Variants in TAF3 observed in about 807,000 individuals in gnomAD.
TAF3 encodes transcription initiation factor TFIID subunit 3.
TAF3 carries 7 observed loss-of-function variants against 80.6 expected under a neutral mutation model. That is an observed-to-expected ratio of 0.09 (90% CI 0.05 to 0.16). The LOEUF (loss-of-function observed/expected upper bound fraction) is 0.16, where lower values mean the gene tolerates loss of function less well. TAF3 is among the 10% of genes least tolerant of loss of function. TAF3 has a pLI of 1.00. For missense variants in TAF3, 921 were observed against 1,140.2 expected (o/e 0.81, Z 2.77); for synonymous variants, 444 against 446.1 (o/e 1.00, Z 0.06).
chr10:7,994,191 C>T (rs756214417), intron 4 of TAF3, among the ~76,000 whole-genome samples: 1 of 151,988 alleles, frequency 6.6e-6, no homozygotes, highest in Non-Finnish European at 1.5e-5. Flanking sequence ...TTCGACACAA[C>T]CTCATTTGTG....
At chr10:7,885,941 C>T (rs930317351) in intron 2 of TAF3, among the ~76,000 whole-genome samples, 5 of 151,966 alleles carry the variant, frequency 3.3e-5, no homozygotes, top group Middle Eastern at 3.4e-3. Context: ...TTTTTAATTA[C>T]GTTTTTTGAG....
At chr10:7,906,234 T>C (rs954629615) in intron 2 of TAF3, among the ~76,000 whole-genome samples, 16 of 152,218 alleles carry the variant, frequency 1.1e-4, no homozygotes, top group Non-Finnish European at 2.4e-4. Flanking sequence ...AATTTCAGTA[T>C]TGGATGGTAA....
At chr10:7,956,823 G>A (rs1588565475) in intron 2 of TAF3, among the ~76,000 whole-genome samples, 1 of 152,166 alleles carries the variant, frequency 6.6e-6, no homozygotes, top group Non-Finnish European at 1.5e-5. Context: ...TTTAGTGACT[G>A]TGTGAAAAAC....
Position 7,965,587 on chromosome 10 carries a change from A to C in TAF3, c.2077A>C (p.Lys693Gln). 6.3e-7 allele frequency: 1 copy of C among 1,599,936 alleles called. No homozygotes were observed. Among genetic ancestry groups the C allele is most frequent in the Admixed American group, 1.8e-5 (1 of 56,128 alleles). ...GCTTCCGGAAAAACTGTTTGAGGAG[A>C]AAGAGAAGGTGAAGGAGAAAGAAAA... ...PVLPEKLFEE[K>Q]EKVKEKEKKK... is the part of the protein sequence containing the mutation. The change falls in exon 3 of 7, where the codon AAA becomes CAA. Residue 693 changes from lysine (K) to glutamine (Q), a missense_variant. By Grantham distance (53) the Lys-to-Gln change is moderately conservative. This residue lies in a region of TAF3 where 743 missense variants were observed against 821.0 expected (regional missense o/e 0.90). Coordinates refer to ENST00000344293, the MANE Select transcript of TAF3 (RefSeq NM_031923.4).
rs146913792 is a variant in TAF3, at chr10:7,895,902, G to A, written c.410-68018G>A. Among the ~76,000 whole-genome samples the A allele has an allele frequency of 3.7e-3, 569 of 152,282 alleles. 4 individuals are homozygous for A. Among genetic ancestry groups the A allele is most frequent in the South Asian group, 0.019 (94 of 4,826 alleles). On this transcript the variant is annotated intron_variant, in intron 2 of 6. Transcript: ENST00000344293. ...CCCCACCCCTGCGCCTAGTTATCAC[G>A]TGACAGGAATCAAGTGCCTTCAGTG...
chr10:8,014,439 G>T (rs1342001300), intron 6 of TAF3, among the ~76,000 whole-genome samples, 198 bp from the exon 7 acceptor site: 1 of 152,216 alleles, frequency 6.6e-6, no homozygotes, highest in African/African-American at 2.4e-5. Context: ...ATGAGTCTCT[G>T]CAGGGGGCCT....
chr10:7,977,346 A>C (rs1379516451), intron 4 of TAF3, 23 bp downstream of exon 4: 6 of 1,610,394 alleles, frequency 3.7e-6, no homozygotes, highest in Non-Finnish European at 4.2e-6. Flanking sequence ...GTTTTGAATC[A>C]GGGTGAAACA....
chr10:7,931,558 G>T (rs1423064851), intron 2 of TAF3, among the ~76,000 whole-genome samples: 1 of 152,122 alleles, frequency 6.6e-6, no homozygotes, highest in African/African-American at 2.4e-5. Flanking sequence ...TAATGAAACT[G>T]TAAAATAAAC....
At position 7,865,574 on chromosome 10, in the gene TAF3, C is replaced by T. The variant is rs1837204567; in HGVS notation, c.409+41014C>T. ...GTGCGTGCTGAGCTGTGTGGGGCCT[C>T]CCTGGAGGTGGGCGTAGTAACAGGC... On this transcript the variant is annotated intron_variant, in intron 2 of 6. Transcript: ENST00000344293. Among the ~76,000 whole-genome samples, 3 of 152,212 alleles carry T rather than the reference C, an allele frequency of 2.0e-5. No homozygotes were observed. In the South Asian group the frequency reaches 6.2e-4, roughly 31 times the overall value.
At chr10:8,008,344 C>T (rs1393454485) in intron 4 of TAF3, among the ~76,000 whole-genome samples, 3 of 152,038 alleles carry the variant, frequency 2.0e-5, no homozygotes, top group Admixed American at 1.3e-4. Flanking sequence ...GGTAATCCAC[C>T]CACCTCGGCC....
chr10:7,930,581 A>G (rs530387194), intron 2 of TAF3, among the ~76,000 whole-genome samples: 1 of 152,332 alleles, frequency 6.6e-6, no homozygotes, highest in East Asian at 1.9e-4. Flanking sequence ...ACTTAATTCT[A>G]TATAGTAGCT....
intron 2 of TAF3, among the ~76,000 whole-genome samples, chr10:7,960,283 G>A (rs1838176645): frequency 1.3e-5 from 2 of 152,140 alleles, no homozygotes; most frequent in Admixed American, 6.5e-5. Context: ...TCTGAAGTCC[G>A]CCTTGTCATT....
chr10:7,841,555 T>C (rs1836912499), intron 2 of TAF3, among the ~76,000 whole-genome samples: 1 of 152,190 alleles, frequency 6.6e-6, no homozygotes, highest in South Asian at 2.1e-4. Context: ...TTAGGATGAT[T>C]TCATTATAAA....
chr10:7,938,034 C>A (rs1436953113), intron 2 of TAF3, among the ~76,000 whole-genome samples: 1 of 151,912 alleles, frequency 6.6e-6, no homozygotes, highest in Non-Finnish European at 1.5e-5. Context: ...GCTTTAAATC[C>A]CAGAATAAGA....
intron 1 of TAF3, among the ~76,000 whole-genome samples, chr10:7,824,115 C>G (rs1836718019): frequency 1.3e-5 from 2 of 152,034 alleles, no homozygotes; most frequent in African/African-American, 4.8e-5. Context: ...GGCTAGTTGT[C>G]TGATTATATT....
At chr10:7,893,310 A>G (rs1432525793) in intron 2 of TAF3, among the ~76,000 whole-genome samples, 3 of 152,238 alleles carry the variant, frequency 2.0e-5, no homozygotes, top group Non-Finnish European at 4.4e-5. Context: ...ATGAATTAGT[A>G]CAAGCCTAAT....
intron 4 of TAF3, among the ~76,000 whole-genome samples, chr10:7,987,265 G>A (rs1023088609): frequency 3.3e-5 from 5 of 152,106 alleles, no homozygotes; most frequent in South Asian, 2.1e-4. Flanking sequence ...ACAGTGAGTC[G>A]TGATCATGCC....
intron 2 of TAF3, among the ~76,000 whole-genome samples, chr10:7,849,508 TA>T (rs1244075869): frequency 6.6e-6 from 1 of 152,184 alleles, no homozygotes; most frequent in Non-Finnish European, 1.5e-5. Flanking sequence ...GTATGTAGGC[TA>T]AATTTTAAAA....
At chr10:7,929,194 A>T (rs1307418405) in intron 2 of TAF3, among the ~76,000 whole-genome samples, 1 of 152,052 alleles carries the variant, frequency 6.6e-6, no homozygotes, top group Admixed American at 6.6e-5. Flanking sequence ...TAGTTATACT[A>T]TAACTAGAAT....
Sources: allele counts gnomAD v4.1 joint callset (sites outside exome capture counted in the v4.1 genomes callset), GRCh38; gene constraint gnomAD v4.1.1; regional missense constraint gnomAD v4.1.1; transcripts MANE v1.5; gene names NCBI Gene and HGNC (gene_info 2026-07-23, HGNC 2026-07-21).